The following METTL24 variants were observed in gnomAD, a reference collection of about 807,000 sequenced individuals.
The protein encoded by METTL24 is probable methyltransferase-like protein 24.
Under a neutral mutation model 32.7 loss-of-function variants are expected in METTL24, and 29 were observed. That is an observed-to-expected ratio of 0.89 (90% CI 0.66 to 1.21). METTL24 has a LOEUF of 1.21. Ranked by LOEUF, METTL24 falls within the 50% of genes most tolerant of loss-of-function variation. METTL24 has a pLI of 0.00. For synonymous variants in METTL24, 163 were observed against 179.5 expected (o/e 0.91, Z 0.73); for missense variants, 439 against 468.1 (o/e 0.94, Z 0.57).
intron 1 of METTL24, among the ~76,000 whole-genome samples, chr6:110,334,378 C>T (rs183016874): frequency 3.3e-5 from 5 of 152,196 alleles, no homozygotes; most frequent in African/African-American, 7.2e-5. Context: ...TCCCAGAGGC[C>T]ACAGAGAGCA....
Position 110,245,603 on chromosome 6 carries a change from A to G in METTL24, c.*343T>C, listed in dbSNP as rs1339949012. ...AACTTAAAAATCTCACCAACCTAGTAAAAATAGGAAATTTATATAATTTCA... is the reference window on the plus strand; with the variant it reads ...AACTTAAAAATCTCACCAACCTAGTGAAAATAGGAAATTTATATAATTTCA... On this transcript the variant is annotated 3_prime_UTR_variant, in exon 5 of 5. Coordinates refer to ENST00000338882, the MANE Select transcript of METTL24 (RefSeq NM_001123364.3). Among the ~76,000 whole-genome samples, 2 of 152,244 alleles carry G rather than the reference A, an allele frequency of 1.3e-5. No individual in the cohort carries two copies. The highest frequency in any genetic ancestry group is 2.9e-5 in the Non-Finnish European group (2 of 68,040).
chr6:110,329,104 TATCACAATAG>T (rs1772068052), intron 1 of METTL24, among the ~76,000 whole-genome samples: 1 of 152,246 alleles, frequency 6.6e-6, no homozygotes, highest in Non-Finnish European at 1.5e-5. Context: ...TCAGTTTCTT[TATCACAATAG>T]ATAACTGATA....
At chr6:110,253,123 T>G (rs979416984) in intron 4 of METTL24, among the ~76,000 whole-genome samples, 1 of 152,160 alleles carries the variant, frequency 6.6e-6, no homozygotes, top group Non-Finnish European at 1.5e-5. Flanking sequence ...CCTGAAAACT[T>G]TGGCCCTCAG....
chr6:110,254,000 T>A, intron 4 of METTL24: 1 of 1,296,986 alleles, frequency 7.7e-7, no homozygotes, highest in Non-Finnish European at 9.9e-7. Context: ...TCCCCTTTGA[T>A]CTCCTTGACA....
At chr6:110,298,308 A>G (rs1771457626) in intron 4 of METTL24, among the ~76,000 whole-genome samples, 1 of 152,262 alleles carries the variant, frequency 6.6e-6, no homozygotes, top group South Asian at 2.1e-4. Flanking sequence ...CTTTCAAAGA[A>G]CACAGTTCAA....
Position 110,245,937 on chromosome 6 carries a change from T to C in METTL24, c.*9A>G. 6.3e-7 allele frequency: 1 copy of C among 1,599,894 alleles called. No homozygotes were observed. The highest frequency in any genetic ancestry group is 1.1e-5 in the South Asian group (1 of 88,956). On this transcript the variant is annotated 3_prime_UTR_variant, in exon 5 of 5. Coordinates refer to ENST00000338882, the MANE Select transcript of METTL24 (RefSeq NM_001123364.3). ...ATATTTTCTTGTGCTCTTGATGACA[T>C]CCTGCATCCTATTTCCATCTTGTAT...
intron 3 of METTL24, among the ~76,000 whole-genome samples, chr6:110,313,052 A>G (rs1771752632): frequency 6.6e-6 from 1 of 152,258 alleles, no homozygotes; most frequent in Non-Finnish European, 1.5e-5. Context: ...CATATGCCCT[A>G]TGGAGAGGAC....
chr6:110,265,185 G>T (rs1344279987), intron 4 of METTL24, among the ~76,000 whole-genome samples: 2 of 129,268 alleles, frequency 1.5e-5, no homozygotes, highest in African/African-American at 5.9e-5. Flanking sequence ...AAGAAAGAAA[G>T]AAAGAAAGAA....
Position 110,245,348 on chromosome 6 carries a change from T to C in METTL24, c.*598A>G, listed in dbSNP as rs1482029713. 6.6e-6 allele frequency among the ~76,000 whole-genome samples: 1 copy of C among 152,166 alleles called. No individual in the cohort carries two copies. The highest frequency in any genetic ancestry group is 1.5e-5 in the Non-Finnish European group (1 of 68,044). On this transcript the variant is annotated 3_prime_UTR_variant, in exon 5 of 5. Transcript: ENST00000338882. ...AACTTACACCTTCGTGTTGAAGCTCTTGATAGTCTAGTCTCTTTAACTCAG... is the reference window on the plus strand; with the variant it reads ...AACTTACACCTTCGTGTTGAAGCTCCTGATAGTCTAGTCTCTTTAACTCAG...
intron 3 of METTL24, among the ~76,000 whole-genome samples, chr6:110,301,442 T>G (rs1771515571): frequency 6.6e-6 from 1 of 152,178 alleles, no homozygotes; most frequent in Admixed American, 6.5e-5. Flanking sequence ...TGTGCCTTGC[T>G]TTATGGAAGG....
intron 1 of METTL24, among the ~76,000 whole-genome samples, chr6:110,349,110 C>T (rs17569533): frequency 0.069 from 10,520 of 152,222 alleles, 483 homozygotes; most frequent in Non-Finnish European, 0.099. Flanking sequence ...ATGACCTAGA[C>T]GATGTCCATT....
intron 4 of METTL24, among the ~76,000 whole-genome samples, chr6:110,256,545 T>A (rs564366582): frequency 6.6e-6 from 1 of 152,250 alleles, no homozygotes; most frequent in South Asian, 2.1e-4. Context: ...CTATCAGAGG[T>A]CCTGGCTCAC....
intron 4 of METTL24, among the ~76,000 whole-genome samples, chr6:110,284,594 G>A (rs550992337): frequency 1.3e-5 from 2 of 150,292 alleles, no homozygotes; most frequent in East Asian, 3.9e-4. Flanking sequence ...ATAGAGAAAC[G>A]ATCCCTGTGA....
intron 4 of METTL24, 118 bp downstream of exon 4, chr6:110,298,804 A>G: frequency 1.3e-6 from 1 of 793,390 alleles, no homozygotes; most frequent in East Asian, 2.7e-5. Flanking sequence ...GTGATTAGTA[A>G]GATTAAAATC....
At chr6:110,280,745 C>G (rs546761643) in intron 4 of METTL24, among the ~76,000 whole-genome samples, 1 of 151,920 alleles carries the variant, frequency 6.6e-6, no homozygotes, top group African/African-American at 2.4e-5. Context: ...ACAGCATTGG[C>G]CTCTTGGGTT....
chr6:110,262,391 C>T (rs1770752695), intron 4 of METTL24, among the ~76,000 whole-genome samples: 1 of 152,144 alleles, frequency 6.6e-6, no homozygotes, highest in Non-Finnish European at 1.5e-5. Context: ...TTCCTCGACA[C>T]ATACACCATC....
chr6:110,256,446 G>A (rs1260443379), intron 4 of METTL24, among the ~76,000 whole-genome samples: 3 of 152,160 alleles, frequency 2.0e-5, no homozygotes, highest in African/African-American at 4.8e-5. Flanking sequence ...AGGTAGCATG[G>A]TCACTCTTGT....
At chr6:110,323,442 G>A (rs1298195517) in intron 1 of METTL24, among the ~76,000 whole-genome samples, 1 of 152,292 alleles carries the variant, frequency 6.6e-6, no homozygotes, top group South Asian at 2.1e-4. Context: ...GGCTGGGGAG[G>A]GTGGCTTTCT....
chr6:110,346,823 T>C (rs1772485913), intron 1 of METTL24, among the ~76,000 whole-genome samples: 1 of 152,138 alleles, frequency 6.6e-6, no homozygotes, highest in Admixed American at 6.5e-5. Flanking sequence ...TTTTTTTCAA[T>C]CAGACATTTG....
Sources: allele counts gnomAD v4.1 joint callset (sites outside exome capture counted in the v4.1 genomes callset), GRCh38; gene constraint gnomAD v4.1.1; transcripts MANE v1.5; gene names NCBI Gene and HGNC (gene_info 2026-07-23, HGNC 2026-07-21).